Variants in CAPZA2 observed in about 807,000 individuals in gnomAD.
The protein encoded by CAPZA2 is capping actin protein of muscle Z-line subunit alpha 2.
In CAPZA2, 13 loss-of-function variants were observed where a neutral mutation model predicts 44.0. The ratio of observed to expected loss-of-function variants is 0.30; its 90% confidence interval spans 0.19 to 0.47. The LOEUF is 0.47. Among genes scored for constraint, CAPZA2 ranks in the 20% least tolerant of loss-of-function variants. The probability of loss-of-function intolerance (pLI) is 1.00; values close to 1 mark genes in which losing one functional copy is unlikely to be tolerated. For missense variants in CAPZA2, 244 were observed against 338.6 expected (o/e 0.72, Z 2.19); for synonymous variants, 94 against 108.2 (o/e 0.87, Z 0.81).
intron 2 of CAPZA2, among the ~76,000 whole-genome samples, chr7:116,890,517 A>AG: frequency 1.9e-5 from 1 of 53,052 alleles, no homozygotes; most frequent in African/African-American, 9.6e-5. Flanking sequence ...CTTAAAAAAA[A>AG]AAAAAAAAAT....
chr7:116,892,321 A>G (rs1008331945), intron 2 of CAPZA2, among the ~76,000 whole-genome samples: 2 of 152,212 alleles, frequency 1.3e-5, no homozygotes, highest in African/African-American at 4.8e-5. Flanking sequence ...AGGAAAAATA[A>G]TGAAAGAAAA....
chr7:116,914,749 A>C (rs116790427), intron 8 of CAPZA2, among the ~76,000 whole-genome samples: 478 of 152,252 alleles, frequency 3.1e-3, no homozygotes, highest in African/African-American at 0.01. Context: ...GGGCCACCAC[A>C]CCCAGCCCCT....
intron 1 of CAPZA2, among the ~76,000 whole-genome samples, chr7:116,865,526 C>G (rs144314982): frequency 1.2e-4 from 18 of 152,104 alleles, no homozygotes; most frequent in African/African-American, 4.3e-4. Flanking sequence ...AGAACCTCTT[C>G]TGGTTTTGTC....
chr7:116,910,890 C>T (rs1791583115), intron 7 of CAPZA2, among the ~76,000 whole-genome samples: 1 of 147,968 alleles, frequency 6.8e-6, no homozygotes, highest in Non-Finnish European at 1.5e-5. Flanking sequence ...ACTCAGGAGG[C>T]TGAGGCAGGA....
chr7:116,874,944 C>A (rs1339319625), intron 1 of CAPZA2, among the ~76,000 whole-genome samples: 1 of 152,076 alleles, frequency 6.6e-6, no homozygotes, highest in African/African-American at 2.4e-5. Context: ...CAAAAATTAG[C>A]CAGGTATGGT....
intron 1 of CAPZA2, among the ~76,000 whole-genome samples, chr7:116,870,643 T>C (rs576103006): frequency 6.6e-6 from 1 of 152,146 alleles, no homozygotes; most frequent in South Asian, 2.1e-4. Flanking sequence ...GGTGGACAGA[T>C]TCACCCCTTG....
At chr7:116,862,864 C>G (rs1392426437) in intron 1 of CAPZA2, among the ~76,000 whole-genome samples, 2 of 151,692 alleles carry the variant, frequency 1.3e-5, no homozygotes, top group African/African-American at 4.8e-5. Flanking sequence ...CCTGCTCGCT[C>G]CGCTCCTTGT....
intron 1 of CAPZA2, 23 bp from the exon 2 acceptor site, chr7:116,888,104 T>G: frequency 6.4e-7 from 1 of 1,571,422 alleles, no homozygotes. Context: ...TATGGAACAT[T>G]TATATCTTTC....
At chr7:116,914,918 A>G (rs573861303) in intron 8 of CAPZA2, among the ~76,000 whole-genome samples, 5 of 152,348 alleles carry the variant, frequency 3.3e-5, no homozygotes, top group South Asian at 2.1e-4. Context: ...TGTAATTACT[A>G]CATTCAATAT....
chr7:116,893,318 A>G (rs1796875981), intron 3 of CAPZA2, among the ~76,000 whole-genome samples: 1 of 151,906 alleles, frequency 6.6e-6, no homozygotes, highest in African/African-American at 2.4e-5. Flanking sequence ...TTTAGTAGAG[A>G]TGGGGTTTTA....
At chr7:116,906,665 T>C (rs949228689) in intron 6 of CAPZA2, 6 of 220,094 alleles carry the variant, frequency 2.7e-5, no homozygotes, top group Non-Finnish European at 5.3e-5. Context: ...ATGAAACTTA[T>C]GTGCAGGAGA....
intron 4 of CAPZA2, among the ~76,000 whole-genome samples, chr7:116,901,381 A>G (rs1796992395): frequency 6.6e-6 from 1 of 152,216 alleles, no homozygotes; most frequent in Non-Finnish European, 1.5e-5. Flanking sequence ...GCTGAAGGCC[A>G]TTATTCTTAG....
chr7:116,885,584 G>C (rs1293540969), intron 1 of CAPZA2, among the ~76,000 whole-genome samples: 1 of 152,166 alleles, frequency 6.6e-6, no homozygotes, highest in Non-Finnish European at 1.5e-5. Context: ...CCGGGCATTA[G>C]GAACTTCTGA....
rs1026563688 is a variant in CAPZA2, at chr7:116,903,247, T to A, written c.220-930T>A. 1.8e-4 allele frequency among the ~76,000 whole-genome samples: 27 copies of A among 151,724 alleles called. 1 individual carries two copies. Among genetic ancestry groups the A allele is most frequent in the African/African-American group, 5.8e-4 (24 of 41,280 alleles). The stretch of plus-strand genomic sequence containing the variant: ...ATGCAGAGAAGAGTGTGTGTGTGTG[T>A]GTGTGTGTGTGTGTGTGTGTGTGTA... On this transcript the variant is annotated intron_variant, in intron 4 of 9. Transcript: ENST00000361183.
At chr7:116,912,365 T>C (rs1234122749) in intron 8 of CAPZA2, among the ~76,000 whole-genome samples, 2 of 145,384 alleles carry the variant, frequency 1.4e-5, no homozygotes, top group Non-Finnish European at 1.5e-5. Flanking sequence ...AATTTTTCTC[T>C]TTTTTTTTTG....
At chr7:116,915,927 T>TA (rs1232779016) in intron 8 of CAPZA2, 133 bp from the exon 9 acceptor site, 1 of 604,156 alleles carries the variant, frequency 1.7e-6, no homozygotes, top group Non-Finnish European at 2.6e-6. Flanking sequence ...TAATTGATCT[T>TA]ACAATATTTA....
chr7:116,881,563 C>T (rs1033840953), intron 1 of CAPZA2, among the ~76,000 whole-genome samples: 10 of 151,904 alleles, frequency 6.6e-5, no homozygotes, highest in Admixed American at 1.3e-4. Context: ...CACGGTGAAA[C>T]CCCGTCTCTA....
chr7:116,916,039 TTTTG>T lies in CAPZA2; in HGVS notation c.658-17_658-14del, dbSNP rs745398412. The T allele has an allele frequency of 1.9e-5, 28 of 1,465,126 alleles. No homozygotes were observed. Among genetic ancestry groups the T allele is most frequent in the Non-Finnish European group, 2.4e-5 (26 of 1,090,238 alleles). The allele number at this position is 1,465,126 out of a possible 1,614,324, so 90.8% of individuals were successfully genotyped here. On this transcript the variant is annotated splice_polypyrimidine_tract_variant and intron_variant, in intron 8 of 9. Coordinates refer to ENST00000361183, the MANE Select transcript of CAPZA2 (RefSeq NM_006136.3). Reference sequence around the variant, plus strand: ...GTTTAGTTTTAAATTACTATTTTTATTTTGTTTTTTTTTTTTTCAGAATGAAGTG... The same window carrying T: ...GTTTAGTTTTAAATTACTATTTTTATTTTTTTTTTTTTTCAGAATGAAGTG...
At chr7:116,881,738 CAAAAAAAA>C (rs71148338) in intron 1 of CAPZA2, among the ~76,000 whole-genome samples, 4 of 47,798 alleles carry the variant, frequency 8.4e-5, no homozygotes, top group African/African-American at 2.2e-4. Context: ...GACTCTGTCT[CAAAAAAAA>C]AAAAAAAAAA....
Sources: gnomAD v4.1 joint callset for allele counts (sites outside exome capture counted in the v4.1 genomes callset) on GRCh38, gnomAD v4.1.1 for gene constraint, MANE v1.5 for transcripts, NCBI Gene and HGNC (gene_info 2026-07-23, HGNC 2026-07-21) for gene names.